Variants in PRKN observed in about 807,000 individuals in gnomAD.
PRKN encodes parkin RBR E3 ubiquitin protein ligase.
A neutral mutation model predicts 59.5 loss-of-function variants in PRKN; 56 were observed. The observed-to-expected ratio is 0.94, with a 90% confidence interval of 0.76 to 1.18. The LOEUF is 1.18. PRKN is among the 50% of genes most tolerant of loss of function. The pLI is 0.00. For synonymous variants in PRKN, 250 were observed against 222.1 expected (o/e 1.13, Z -1.12); for missense variants, 657 against 596.4 (o/e 1.10, Z -1.06).
intron 7 of PRKN, among the ~76,000 whole-genome samples, chr6:161,669,983 G>A (rs1158265172): frequency 6.6e-6 from 1 of 152,214 alleles, no homozygotes; most frequent in Non-Finnish European, 1.5e-5. Context: ...TGGTTTTCAA[G>A]AGTCTCTGGA....
chr6:162,025,411 TA>T (rs1185968605), intron 5 of PRKN, among the ~76,000 whole-genome samples: 2 of 152,098 alleles, frequency 1.3e-5, no homozygotes, highest in Non-Finnish European at 2.9e-5. Context: ...TCCTGTGCAG[TA>T]CAGAAAGTGA....
Position 162,087,589 on chromosome 6 carries a change from C to CTTTT in PRKN, c.535-33419_535-33416dup, listed in dbSNP as rs35184111. Among the ~76,000 whole-genome samples, 160 of 102,652 alleles carry CTTTT rather than the reference C, an allele frequency of 1.6e-3. 1 individual carries two copies. Among genetic ancestry groups the CTTTT allele is most frequent in the South Asian group, 1.8e-3 (5 of 2,746 alleles). 67.3% of individuals were successfully genotyped at this position (102,652 alleles called of 152,430 possible). A position where few individuals can be genotyped will look rare whatever the true frequency, so the allele number is the denominator to read the frequency against. Reference sequence around the variant, plus strand: ...CCTACAGGTGCTTAGAGAATAATTTCTTTTTTTTTTTTTTTTTTTTTCTGA... The same window carrying CTTTT: ...CCTACAGGTGCTTAGAGAATAATTTCTTTTTTTTTTTTTTTTTTTTTTTTTCTGA... On this transcript the variant is annotated intron_variant, in intron 4 of 11. Transcript: ENST00000366898.
chr6:161,944,626 G>A (rs1401730863), intron 6 of PRKN, among the ~76,000 whole-genome samples: 3 of 152,094 alleles, frequency 2.0e-5, no homozygotes, highest in Non-Finnish European at 4.4e-5. Context: ...CTTTCTGGGG[G>A]CCAAGCACAG....
At chr6:161,716,815 C>A (rs1787003071) in intron 7 of PRKN, among the ~76,000 whole-genome samples, 1 of 152,134 alleles carries the variant, frequency 6.6e-6, no homozygotes, top group South Asian at 2.1e-4. Context: ...ATGGCCAGAG[C>A]AGAATGTGAT....
At chr6:161,716,268 TGAG>T (rs1182613965) in intron 7 of PRKN, 1 of 458,156 alleles carries the variant, frequency 2.2e-6, no homozygotes, top group Non-Finnish European at 4.2e-6. Flanking sequence ...AATTCAGAAA[TGAG>T]GAGGAACTAG....
chr6:162,049,869 C>T (rs924857690), intron 5 of PRKN, among the ~76,000 whole-genome samples: 1 of 152,138 alleles, frequency 6.6e-6, no homozygotes. Context: ...TGGTACGAAT[C>T]GGACGCGTCC....
chr6:162,380,527 A>G (rs1305950227), intron 2 of PRKN, among the ~76,000 whole-genome samples: 1 of 141,362 alleles, frequency 7.1e-6, no homozygotes, highest in Non-Finnish European at 1.5e-5. Flanking sequence ...ATATATATGT[A>G]TATATACATA....
chr6:162,182,236 G>C (rs1037692427), intron 4 of PRKN, among the ~76,000 whole-genome samples: 8 of 152,154 alleles, frequency 5.3e-5, no homozygotes, highest in African/African-American at 1.9e-4. Flanking sequence ...ATTAAACACA[G>C]ATGTTGCCTG....
At chr6:161,492,818 T>G (rs1200322250) in intron 9 of PRKN, among the ~76,000 whole-genome samples, 1 of 152,198 alleles carries the variant, frequency 6.6e-6, no homozygotes, top group African/African-American at 2.4e-5. Context: ...CAAAATGGCA[T>G]GCATTGATGA....
intron 1 of PRKN, among the ~76,000 whole-genome samples, chr6:162,636,476 G>A (rs73597921): frequency 0.021 from 3,147 of 152,274 alleles, 113 homozygotes; most frequent in African/African-American, 0.071. Context: ...AGGGTAAAGA[G>A]ATGACTGAAG....
chr6:162,401,365 T>C (rs1787787160), intron 2 of PRKN, among the ~76,000 whole-genome samples: 1 of 152,138 alleles, frequency 6.6e-6, no homozygotes, highest in East Asian at 1.9e-4. Context: ...AAATTCATTG[T>C]AAGTTGAAAA....
chr6:161,700,924 A>C (rs952061293), intron 7 of PRKN, among the ~76,000 whole-genome samples: 1 of 152,208 alleles, frequency 6.6e-6, no homozygotes, highest in Admixed American at 6.5e-5. Flanking sequence ...GGCTGGTTAC[A>C]TGGTCAGTAT....
chr6:162,054,290 T>C (rs555771711), intron 4 of PRKN, 116 bp from the exon 5 acceptor site: 2 of 774,946 alleles, frequency 2.6e-6, no homozygotes, highest in East Asian at 2.7e-5. Context: ...AGTCCAATGA[T>C]TTTCAAAGTG....
intron 2 of PRKN, among the ~76,000 whole-genome samples, chr6:162,425,464 A>G (rs1789190920): frequency 6.6e-6 from 1 of 152,210 alleles, no homozygotes; most frequent in Non-Finnish European, 1.5e-5. Context: ...TTAAATTACT[A>G]TTTTTCAAAT....
In PRKN at chr6:162,505,846, C is replaced by G. The variant is rs185145606; in HGVS notation, c.8-62373G>C. On this transcript the variant is annotated intron_variant, in intron 1 of 11. Coordinates refer to ENST00000366898, the MANE Select transcript of PRKN (RefSeq NM_004562.3). ...GTATAGAGGTGTCTGCTAGATTATT[C>G]TCTGCATTTTTCAGTTAGTTTTGAA... 1.6e-4 allele frequency among the ~76,000 whole-genome samples: 24 copies of G among 152,296 alleles called. No homozygotes were observed. In the East Asian group the frequency reaches 4.2e-3, roughly 27 times the overall value.
At chr6:162,487,901 C>A (rs750713322) in intron 1 of PRKN, among the ~76,000 whole-genome samples, 7 of 151,972 alleles carry the variant, frequency 4.6e-5, no homozygotes, top group African/African-American at 7.2e-5. Context: ...CAAAGTGCGA[C>A]CCCCATCTCT....
At chr6:162,144,130 T>C (rs549946129) in intron 4 of PRKN, among the ~76,000 whole-genome samples, 11 of 152,238 alleles carry the variant, frequency 7.2e-5, no homozygotes, top group African/African-American at 2.4e-4. Flanking sequence ...TCTCTCAAAA[T>C]GTAGGTGCTC....
chr6:162,539,830 G>A (rs1052979303), intron 1 of PRKN, among the ~76,000 whole-genome samples: 1 of 152,128 alleles, frequency 6.6e-6, no homozygotes, highest in African/African-American at 2.4e-5. Context: ...TGCAAAAGAT[G>A]TAAATTAAAC....
At position 161,401,194 on chromosome 6, in the gene PRKN, G is replaced by A. The variant is rs117650890; in HGVS notation, c.1084-14317C>T. On this transcript the variant is annotated intron_variant, in intron 9 of 11. Coordinates refer to ENST00000366898, the MANE Select transcript of PRKN (RefSeq NM_004562.3). The surrounding 1 kb of genome is among the most constrained non-coding windows in gnomAD (Gnocchi z 4.4). ...GTAAAGTATCAGGCTGGAAGGCTTG[G>A]TCGGGCATGGTTTTAGCAACAGGAC... 6.8e-3 allele frequency among the ~76,000 whole-genome samples: 1,029 copies of A among 152,290 alleles called. 6 individuals are homozygous for A. Among genetic ancestry groups the A allele is most frequent in the Non-Finnish European group, 9.8e-3 (669 of 68,030 alleles).
Sources: allele counts gnomAD v4.1 joint callset (sites outside exome capture counted in the v4.1 genomes callset), GRCh38; gene constraint gnomAD v4.1.1; non-coding constraint Gnocchi (gnomAD v3.1); transcripts MANE v1.5; gene names NCBI Gene and HGNC (gene_info 2026-07-23, HGNC 2026-07-21).